The following ATF3 variants were observed in gnomAD, a reference collection of about 807,000 sequenced individuals.
ATF3 encodes the protein cyclic AMP-dependent transcription factor ATF-3.
A neutral mutation model predicts 18.4 loss-of-function variants in ATF3; 10 were observed. That is an observed-to-expected ratio of 0.54 (90% CI 0.34 to 0.92). The LOEUF (loss-of-function observed/expected upper bound fraction) is 0.92, where lower values mean the gene tolerates loss of function less well. Ranked by LOEUF, ATF3 falls within the 40% of genes least tolerant of loss-of-function variation. The pLI, the probability that ATF3 is intolerant of heterozygous loss-of-function variation, is 0.02. For synonymous variants in ATF3, 78 were observed against 87.9 expected (o/e 0.89, Z 0.63); for missense variants, 183 against 222.3 (o/e 0.82, Z 1.12).
chr1:212,603,772 A>ATGTG (rs1654547664), upstream of ATF3, among the ~76,000 whole-genome samples: 1 of 82,976 alleles, frequency 1.2e-5, no homozygotes, highest in Admixed American at 1.4e-4. Flanking sequence ...GTGTGTGTAT[A>ATGTG]TATATGTGTG....
chr1:212,568,996 G>A (rs1166817005), intron 1 of ATF3, among the ~76,000 whole-genome samples: 1 of 151,976 alleles, frequency 6.6e-6, no homozygotes, highest in Non-Finnish European at 1.5e-5. Context: ...AATTTAATAG[G>A]GTTTTTAAGT....
rs575997026 is a variant in ATF3, at chr1:212,569,344, C to A, written c.-5+3861C>A. On this transcript the variant is annotated intron_variant, in intron 1 of 3. Coordinates refer to the ATF3 transcript ENST00000366981. Reference sequence around the variant, plus strand: ...TTTCATCATATACACTTTCTGACTTCGAATTTTTAATAGTGGCAATACTTT... The same window carrying A: ...TTTCATCATATACACTTTCTGACTTAGAATTTTTAATAGTGGCAATACTTT... 5.2e-3 allele frequency among the ~76,000 whole-genome samples: 798 copies of A among 152,298 alleles called. 7 individuals carry two copies. The highest frequency in any genetic ancestry group is 0.018 in the African/African-American group (756 of 41,556).
chr1:212,595,760 G>C (rs1664981189), intron 1 of ATF3, among the ~76,000 whole-genome samples: 1 of 152,180 alleles, frequency 6.6e-6, no homozygotes, highest in South Asian at 2.1e-4. Flanking sequence ...TGCTGTCACT[G>C]ACTCAACATT....
intron 2 of ATF3, 116 bp downstream of exon 2, chr1:212,615,377 G>A: frequency 1.5e-6 from 2 of 1,317,948 alleles, no homozygotes. Flanking sequence ...CAAAACCACT[G>A]CCCTCAGGGA....
Position 212,618,728 on chromosome 1 carries a change from C to T in ATF3, c.348+494C>T. The stretch of plus-strand genomic sequence containing the variant: ...CCTTCTCCCTGGCTTAGCCAGTAAG[C>T]TGAGCCCCTGGCTGCGTTCAGCCGG... On this transcript the variant is annotated intron_variant, in intron 3 of 3. Coordinates refer to ENST00000341491, the MANE Select transcript of ATF3 (RefSeq NM_001674.4). This position sits in a 1 kb window ranked among gnomAD's most constrained non-coding sequence, Gnocchi z 4.4. 2.1e-6 allele frequency: 1 copy of T among 483,320 alleles called. No homozygotes were observed. The highest frequency in any genetic ancestry group is 3.3e-5 in the Admixed American group (1 of 30,318). 29.9% of individuals were successfully genotyped at this position (483,320 alleles called of 1,614,324 possible).
At chr1:212,601,277 G>C (rs1002690284) in intron 1 of ATF3, among the ~76,000 whole-genome samples, 1 of 152,190 alleles carries the variant, frequency 6.6e-6, no homozygotes, top group Non-Finnish European at 1.5e-5. Context: ...AATTTGGCAG[G>C]GGGGAAAGTA....
chr1:212,618,338 T>G lies in ATF3; in HGVS notation c.348+104T>G, dbSNP rs780778116. 8.9e-6 allele frequency: 11 copies of G among 1,241,548 alleles called. No individual in the cohort carries two copies. Among genetic ancestry groups the G allele is most frequent in the Non-Finnish European group, 1.2e-5 (10 of 844,424 alleles). 76.9% of individuals were successfully genotyped at this position (1,241,548 alleles called of 1,614,324 possible). ...TAGAAAACCCCCTACTTGGTTATAGTTTCCCAAGAAGGGCCTTGTAGCTGG... is the reference window on the plus strand; with the variant it reads ...TAGAAAACCCCCTACTTGGTTATAGGTTCCCAAGAAGGGCCTTGTAGCTGG... On this transcript the variant is annotated intron_variant, in intron 3 of 3. Transcript: ENST00000341491. The surrounding 1 kb of genome is among the most constrained non-coding windows in gnomAD (Gnocchi z 4.4).
rs748196594 is a variant in ATF3, at chr1:212,618,218, C to T, written c.332C>T (p.Thr111Met). The part of the protein sequence containing the change: ...AKCRNKKKEK[T>M]ECLQKESEKL... Reference sequence around the variant, plus strand: ...TGCCGAAACAAGAAGAAGGAGAAGACGGAGTGCCTGCAGAAAGTGAGTGCC... The same window carrying T: ...TGCCGAAACAAGAAGAAGGAGAAGATGGAGTGCCTGCAGAAAGTGAGTGCC... Residue 111 changes from threonine to methionine, a missense_variant, in exon 3 of 4, where the codon ACG (threonine) becomes ATG (methionine). Transcript: ENST00000341491. The surrounding 1 kb of genome is among the most constrained non-coding windows in gnomAD (Gnocchi z 4.4). The T allele has an allele frequency of 7.4e-6, 12 of 1,614,052 alleles. No individual in the cohort carries two copies. The highest frequency in any genetic ancestry group is 1.3e-5 in the African/African-American group (1 of 75,016).
At chr1:212,566,377 G>A (rs990892183) in intron 1 of ATF3, among the ~76,000 whole-genome samples, 1 of 152,140 alleles carries the variant, frequency 6.6e-6, no homozygotes, top group East Asian at 1.9e-4. Context: ...CCTTGGACAA[G>A]GACACCCCTT....
intron 1 of ATF3, among the ~76,000 whole-genome samples, chr1:212,596,200 G>A (rs989450552): frequency 1.3e-5 from 2 of 152,292 alleles, no homozygotes; most frequent in Non-Finnish European, 2.9e-5. Context: ...CCAAATGGCC[G>A]TTACAAGATA....
chr1:212,585,330 C>T (rs769820838), intron 1 of ATF3, among the ~76,000 whole-genome samples: 4 of 152,122 alleles, frequency 2.6e-5, no homozygotes, highest in East Asian at 1.9e-4. Flanking sequence ...CCAGTCCTGG[C>T]GAACTTCCTT....
At chr1:212,603,672 G>A (rs1428313403) in intron 1 of ATF3, among the ~76,000 whole-genome samples, 3 of 152,078 alleles carry the variant, frequency 2.0e-5, no homozygotes, top group African/African-American at 7.2e-5. Flanking sequence ...GCAAGTTATG[G>A]TAATAAGAAT....
At chr1:212,581,925 C>A (rs1239605252) in intron 1 of ATF3, among the ~76,000 whole-genome samples, 2 of 152,230 alleles carry the variant, frequency 1.3e-5, no homozygotes, top group Non-Finnish European at 2.9e-5. Context: ...TATTTGGGGT[C>A]TTCTTTTAAT....
At chr1:212,586,190 G>A (rs1664777567) in intron 1 of ATF3, among the ~76,000 whole-genome samples, 2 of 152,088 alleles carry the variant, frequency 1.3e-5, no homozygotes, top group Admixed American at 6.5e-5. Context: ...CCTGTGGAAG[G>A]GGGCTCAGGG....
chr1:212,575,833 CA>C (rs1664568066), intron 1 of ATF3, among the ~76,000 whole-genome samples: 1 of 152,084 alleles, frequency 6.6e-6, no homozygotes, highest in Non-Finnish European at 1.5e-5. Flanking sequence ...AATAAGTTTT[CA>C]AATCTTGAAT....
chr1:212,603,472 G>C (rs1236457354), intron 1 of ATF3, among the ~76,000 whole-genome samples: 1 of 152,182 alleles, frequency 6.6e-6, no homozygotes, highest in Middle Eastern at 3.2e-3. Flanking sequence ...TATATGCCGT[G>C]TGTAGCATTT....
intron 1 of ATF3, among the ~76,000 whole-genome samples, chr1:212,581,210 G>A (rs988266650): frequency 6.6e-6 from 1 of 152,230 alleles, no homozygotes; most frequent in Non-Finnish European, 1.5e-5. Flanking sequence ...TGCTGCCTAA[G>A]GGCTGGCGCG....
At chr1:212,585,605 C>A (rs1664765804) in intron 1 of ATF3, among the ~76,000 whole-genome samples, 1 of 152,120 alleles carries the variant, frequency 6.6e-6, no homozygotes, top group South Asian at 2.1e-4. Flanking sequence ...TTTCATAGGC[C>A]ACATATTCAT....
chr1:212,583,651 G>C (rs1432781670), intron 1 of ATF3, among the ~76,000 whole-genome samples: 1 of 152,178 alleles, frequency 6.6e-6, no homozygotes, highest in East Asian at 1.9e-4. Flanking sequence ...ACCACTGTCG[G>C]AACAAAACCC....
Sources: allele counts gnomAD v4.1 joint callset (sites outside exome capture counted in the v4.1 genomes callset), GRCh38; gene constraint gnomAD v4.1.1; non-coding constraint Gnocchi (gnomAD v3.1); transcripts MANE v1.5; gene names NCBI Gene and HGNC (gene_info 2026-07-23, HGNC 2026-07-21).